The following TENM4 variants were observed in gnomAD, a reference collection of about 807,000 sequenced individuals.
TENM4 encodes teneurin-4.
A neutral mutation model predicts 243.3 loss-of-function variants in TENM4; 82 were observed. The observed-to-expected ratio is 0.34, with a 90% CI of 0.28 to 0.40. TENM4 has a LOEUF of 0.40. Among genes scored for constraint, TENM4 ranks in the 10% least tolerant of loss-of-function variants. TENM4 has a pLI of 1.00. For synonymous variants in TENM4, 1,412 were observed against 1,456.3 expected (o/e 0.97, Z 0.69); for missense variants, 3,138 against 3,673.3 (o/e 0.85, Z 3.77).
intron 6 of TENM4, among the ~76,000 whole-genome samples, chr11:78,986,866 A>AT (rs2136647337): frequency 6.6e-6 from 1 of 152,142 alleles, no homozygotes; most frequent in East Asian, 1.9e-4. Context: ...GAGTGACCCC[A>AT]CTCGGCTGGT....
chr11:79,138,865 C>CATTATATT (rs1565219757), intron 4 of TENM4, among the ~76,000 whole-genome samples: 1 of 90,448 alleles, frequency 1.1e-5, no homozygotes, highest in African/African-American at 5.1e-5. Flanking sequence ...ACAAAATATA[C>CATTATATT]CTTATATTTA....
At chr11:79,313,423 C>T (rs1856753484) in intron 1 of TENM4, among the ~76,000 whole-genome samples, 1 of 152,172 alleles carries the variant, frequency 6.6e-6, no homozygotes, top group South Asian at 2.1e-4. Context: ...AAAGGATAAG[C>T]CTTTGCTAAA....
intron 1 of TENM4, among the ~76,000 whole-genome samples, chr11:79,310,631 T>C (rs886854351): frequency 6.6e-6 from 1 of 152,244 alleles, no homozygotes; most frequent in South Asian, 2.1e-4. Context: ...AAAGTTGCCC[T>C]GTAGTTAACA....
At chr11:78,827,170 A>G (rs531817316) in intron 12 of TENM4, among the ~76,000 whole-genome samples, 9 of 152,260 alleles carry the variant, frequency 5.9e-5, no homozygotes, top group Non-Finnish European at 1.0e-4. Flanking sequence ...TACTAAAATA[A>G]ATACATAATT....
intron 1 of TENM4, among the ~76,000 whole-genome samples, chr11:79,425,387 T>C (rs1859027306): frequency 6.6e-6 from 1 of 152,202 alleles, no homozygotes; most frequent in Non-Finnish European, 1.5e-5. Context: ...ATGTTCTGGC[T>C]GATGCTGAAC....
chr11:78,978,950 C>A (rs1316692705), intron 6 of TENM4, among the ~76,000 whole-genome samples: 1 of 152,082 alleles, frequency 6.6e-6, no homozygotes, highest in African/African-American at 2.4e-5. Flanking sequence ...AGCAGCATTC[C>A]TGTGACTTTA....
intron 30 of TENM4, among the ~76,000 whole-genome samples, chr11:78,674,643 G>A (rs11606543): frequency 0.52 from 78,220 of 150,810 alleles, 22,482 homozygotes; most frequent in Non-Finnish European, 0.67. Context: ...CCTCAGAGGC[G>A]CATGCAGGAG....
chr11:78,872,955 ATGAGGGCAGACAGCTTAAC>A (rs1183696229), intron 9 of TENM4, among the ~76,000 whole-genome samples: 2 of 152,226 alleles, frequency 1.3e-5, no homozygotes, highest in East Asian at 3.9e-4. Context: ...AGCAAGAGGA[ATGAGGGCAGACAGCTTAAC>A]GTGGAGCCTG....
rs1365534867 is a variant in TENM4, at chr11:79,438,144, T to A, written c.-321+2365A>T. ...CACTCCCCACCCATGCACATCACCA[T>A]CTCCTGACTGCGGGCTGGGGGGAAG... On this transcript the variant is annotated intron_variant, in intron 1 of 33. Coordinates refer to ENST00000278550, the MANE Select transcript of TENM4 (RefSeq NM_001098816.3). This position sits in a 1 kb window ranked among gnomAD's most constrained non-coding sequence, Gnocchi z 4.1. Among the ~76,000 whole-genome samples, 1 of 151,852 alleles carries A rather than the reference T, an allele frequency of 6.6e-6. No homozygotes were observed. The highest frequency in any genetic ancestry group is 1.5e-5 in the Non-Finnish European group (1 of 67,962).
chr11:79,349,697 G>A (rs1857383499), intron 1 of TENM4, among the ~76,000 whole-genome samples: 1 of 152,194 alleles, frequency 6.6e-6, no homozygotes, highest in African/African-American at 2.4e-5. Context: ...GAAAAAATAA[G>A]GCAGGGAAAG....
intron 1 of TENM4, among the ~76,000 whole-genome samples, chr11:79,425,930 G>A (rs577551010): frequency 6.6e-6 from 1 of 152,316 alleles, no homozygotes; most frequent in East Asian, 1.9e-4. Flanking sequence ...TTCTAGGAAT[G>A]TGCTGTAAAT....
At chr11:78,848,882 T>G (rs1183244823) in intron 12 of TENM4, among the ~76,000 whole-genome samples, 1 of 152,102 alleles carries the variant, frequency 6.6e-6, no homozygotes, top group Non-Finnish European at 1.5e-5. Context: ...TAAATCTGTT[T>G]CTAATCCCTG....
intron 12 of TENM4, among the ~76,000 whole-genome samples, chr11:78,830,461 G>C (rs999166695): frequency 6.6e-6 from 1 of 152,190 alleles, no homozygotes; most frequent in African/African-American, 2.4e-5. Flanking sequence ...TGGTCTCAAG[G>C]CTTCAAAGGA....
chr11:78,920,596 T>C (rs577409666), intron 6 of TENM4, among the ~76,000 whole-genome samples: 1 of 152,288 alleles, frequency 6.6e-6, no homozygotes, highest in African/African-American at 2.4e-5. Context: ...CATTGATTTT[T>C]TTTTTCTCCC....
At chr11:78,924,039 G>C (rs938953696) in intron 6 of TENM4, among the ~76,000 whole-genome samples, 1 of 151,864 alleles carries the variant, frequency 6.6e-6, no homozygotes, top group Non-Finnish European at 1.5e-5. Flanking sequence ...ATTTTTAGTA[G>C]AGATGGGGTT....
At chr11:78,748,677 T>C (rs1035053976) in intron 19 of TENM4, among the ~76,000 whole-genome samples, 9 of 152,186 alleles carry the variant, frequency 5.9e-5, no homozygotes, top group African/African-American at 2.2e-4. Context: ...TTACTTAAAT[T>C]CTCAGTAGCT....
At chr11:78,925,649 C>T (rs1327406175) in intron 6 of TENM4, among the ~76,000 whole-genome samples, 1 of 152,176 alleles carries the variant, frequency 6.6e-6, no homozygotes, top group Non-Finnish European at 1.5e-5. Flanking sequence ...GGACCTCTCA[C>T]ATAGCCATGG....
intron 4 of TENM4, among the ~76,000 whole-genome samples, chr11:79,123,125 T>C (rs952558056): frequency 2.6e-5 from 4 of 152,154 alleles, no homozygotes; most frequent in Non-Finnish European, 5.9e-5. Flanking sequence ...GAAAGGGAAC[T>C]CAGACCCTGG....
intron 1 of TENM4, among the ~76,000 whole-genome samples, chr11:79,298,233 G>A (rs1468774022): frequency 2.6e-5 from 4 of 152,082 alleles, no homozygotes; most frequent in Non-Finnish European, 5.9e-5. Flanking sequence ...CCTAGTCTAG[G>A]TTCAGTTACC....
Sources: gnomAD v4.1 joint callset for allele counts (sites outside exome capture counted in the v4.1 genomes callset) on GRCh38, gnomAD v4.1.1 for gene constraint, Gnocchi (gnomAD v3.1) non-coding constraint, MANE v1.5 for transcripts, NCBI Gene and HGNC (gene_info 2026-07-23, HGNC 2026-07-21) for gene names.